ARHGEF3: variants seen among roughly 807,000 people sequenced by gnomAD.
The protein encoded by ARHGEF3 is Rho guanine nucleotide exchange factor 3, also known as 59.8 kDA protein.
Under a neutral mutation model 63.2 loss-of-function variants are expected in ARHGEF3, and 28 were observed. That is an observed-to-expected ratio of 0.44 (90% CI 0.33 to 0.61). ARHGEF3 has a LOEUF of 0.61. Ranked by LOEUF, ARHGEF3 falls within the 20% of genes least tolerant of loss-of-function variation. The pLI, the probability that ARHGEF3 is intolerant of heterozygous loss-of-function variation, is 0.03. For synonymous variants in ARHGEF3, 266 were observed against 254.2 expected (o/e 1.05, Z -0.44); for missense variants, 533 against 659.3 (o/e 0.81, Z 2.10).
intron 3 of ARHGEF3, chr3:56,898,619 T>C (rs944777551): frequency 3.5e-6 from 1 of 283,368 alleles, no homozygotes; most frequent in African/African-American, 2.2e-5. Flanking sequence ...TGTTTTCTTC[T>C]GGGGTGATCC....
chr3:56,935,379 G>A (rs1199718991), intron 3 of ARHGEF3, among the ~76,000 whole-genome samples: 1 of 152,200 alleles, frequency 6.6e-6, no homozygotes, highest in African/African-American at 2.4e-5. Context: ...GGTGGGGCCA[G>A]ATAAGAGAAT....
In ARHGEF3 at chr3:57,027,301, T is replaced by C. The variant is rs570075277; in HGVS notation, c.62+7787A>G. Among the ~76,000 whole-genome samples, 14 of 152,312 alleles carry C rather than the reference T, an allele frequency of 9.2e-5. No individual in the cohort carries two copies. In the South Asian group the frequency reaches 1.2e-3, roughly 14 times the overall value. Reference sequence around the variant, plus strand: ...CCTAACACCCTCCTGGCAGTTCCCCTTGTCACTGGCGCCACCCTATGAGAA... The same window carrying C: ...CCTAACACCCTCCTGGCAGTTCCCCCTGTCACTGGCGCCACCCTATGAGAA... On this transcript the variant is annotated intron_variant, in intron 2 of 12. Transcript: ENST00000338458.
intron 3 of ARHGEF3, among the ~76,000 whole-genome samples, chr3:56,932,277 C>T (rs116597681): frequency 2.3e-4 from 35 of 152,104 alleles, no homozygotes; most frequent in Admixed American, 1.2e-3. Context: ...TAGAAACGTA[C>T]GAAAGTCAAA....
intron 4 of ARHGEF3, among the ~76,000 whole-genome samples, chr3:56,846,200 T>A (rs2108127358): frequency 6.6e-6 from 1 of 152,340 alleles, no homozygotes; most frequent in Admixed American, 6.5e-5. Context: ...CACTCCAACC[T>A]AAGGGAGCTT....
At chr3:56,763,234 G>A (rs986960081) in intron 2 of ARHGEF3, among the ~76,000 whole-genome samples, 2 of 152,154 alleles carry the variant, frequency 1.3e-5, no homozygotes, top group African/African-American at 4.8e-5. Context: ...AAGTACACAA[G>A]AGGCTTGGCC....
intron 2 of ARHGEF3, among the ~76,000 whole-genome samples, chr3:56,773,094 C>T (rs2036093941): frequency 1.3e-5 from 2 of 152,110 alleles, no homozygotes; most frequent in African/African-American, 2.4e-5. Context: ...AATATGGTCT[C>T]TGTCACAACT....
At chr3:57,056,175 CAGA>C (rs1381794728) in intron 1 of ARHGEF3, among the ~76,000 whole-genome samples, 2 of 151,984 alleles carry the variant, frequency 1.3e-5, no homozygotes, top group Admixed American at 6.5e-5. Flanking sequence ...ATCCCGAGAT[CAGA>C]AGATCGAGAC....
intron 1 of ARHGEF3, among the ~76,000 whole-genome samples, chr3:56,795,143 T>TA (rs757170313): frequency 2.4e-4 from 37 of 152,056 alleles, no homozygotes; most frequent in Non-Finnish European, 4.0e-4. Context: ...GGGATCCAAA[T>TA]ATTTTTGACC....
At chr3:56,762,825 GC>G (rs2035499392) in intron 2 of ARHGEF3, among the ~76,000 whole-genome samples, 1 of 152,112 alleles carries the variant, frequency 6.6e-6, no homozygotes, top group African/African-American at 2.4e-5. Context: ...AGCAATAATG[GC>G]CAGGACAGGA....
chr3:56,888,849 G>A (rs1401441234), intron 3 of ARHGEF3, among the ~76,000 whole-genome samples: 1 of 152,028 alleles, frequency 6.6e-6, no homozygotes, highest in African/African-American at 2.4e-5. Flanking sequence ...GTTGCGGTGA[G>A]CCGAGATCGC....
intron 4 of ARHGEF3, among the ~76,000 whole-genome samples, chr3:56,878,690 A>G (rs1199400208): frequency 6.6e-6 from 1 of 152,208 alleles, no homozygotes; most frequent in Non-Finnish European, 1.5e-5. Flanking sequence ...CTATCAACAG[A>G]TTCCGGAAAG....
chr3:57,057,253 A>G (rs917631723), intron 1 of ARHGEF3, among the ~76,000 whole-genome samples: 1 of 152,196 alleles, frequency 6.6e-6, no homozygotes, highest in African/African-American at 2.4e-5. Flanking sequence ...CTGGGATTAC[A>G]GGTGCGTGCC....
At chr3:56,926,406 T>A (rs1334695977) in intron 3 of ARHGEF3, among the ~76,000 whole-genome samples, 2 of 152,184 alleles carry the variant, frequency 1.3e-5, no homozygotes, top group South Asian at 4.1e-4. Context: ...CATGACCAGA[T>A]AGAAATTCTT....
intron 2 of ARHGEF3, among the ~76,000 whole-genome samples, chr3:57,009,502 T>C (rs1270555776): frequency 1.3e-5 from 2 of 151,306 alleles, no homozygotes; most frequent in Non-Finnish European, 3.0e-5. Flanking sequence ...TAGAGGCGGG[T>C]GGATCTCTGA....
At chr3:56,984,466 C>G (rs1701456564) in intron 2 of ARHGEF3, among the ~76,000 whole-genome samples, 1 of 152,006 alleles carries the variant, frequency 6.6e-6, no homozygotes, top group Non-Finnish European at 1.5e-5. Flanking sequence ...GGTGGACAAG[C>G]CCCGCAAACT....
intron 1 of ARHGEF3, among the ~76,000 whole-genome samples, chr3:57,052,232 G>A (rs1480284414): frequency 6.6e-6 from 1 of 152,160 alleles, no homozygotes; most frequent in Non-Finnish European, 1.5e-5. Flanking sequence ...CTCACATCCT[G>A]CGGTGCCTGT....
At chr3:57,032,825 A>G (rs1344414168) in intron 2 of ARHGEF3, among the ~76,000 whole-genome samples, 1 of 152,066 alleles carries the variant, frequency 6.6e-6, no homozygotes, top group East Asian at 1.9e-4. Flanking sequence ...CTCCTGGGGG[A>G]GTATAAGTAT....
chr3:56,994,064 C>CAAAAAAAAAAAAAAA (rs60299557), intron 2 of ARHGEF3, among the ~76,000 whole-genome samples: 1,314 of 59,638 alleles, frequency 0.022, 298 homozygotes, highest in Non-Finnish European at 0.032. Context: ...AACTTCGTCT[C>CAAAAAAAAAAAAAAA]AAAAAAAAAA....
intron 2 of ARHGEF3, among the ~76,000 whole-genome samples, chr3:56,771,113 C>CAA (rs201889173): frequency 0.016 from 1,992 of 123,414 alleles, 51 homozygotes; most frequent in African/African-American, 0.056. Flanking sequence ...AACTCCATCT[C>CAA]AAAAAAAAAA....
Sources: allele counts gnomAD v4.1 joint callset (sites outside exome capture counted in the v4.1 genomes callset), GRCh38; gene constraint gnomAD v4.1.1; transcripts MANE v1.5; gene names NCBI Gene and HGNC (gene_info 2026-07-23, HGNC 2026-07-21).